The following PTPRM variants were observed in gnomAD, a reference collection of about 807,000 sequenced individuals.
The protein encoded by PTPRM is receptor-type tyrosine-protein phosphatase mu.
PTPRM carries 47 observed loss-of-function variants against 186.7 expected under a neutral mutation model. The observed-to-expected ratio is 0.25, with a 90% CI of 0.20 to 0.32. The LOEUF is 0.32. Among genes scored for constraint, PTPRM ranks in the 10% least tolerant of loss-of-function variants. The pLI is 1.00. For missense variants in PTPRM, 1,494 were observed against 1,865.0 expected, an observed-to-expected ratio of 0.80 and a Z score of 3.66; for synonymous variants, 668 against 674.9, an observed-to-expected ratio of 0.99 and a Z score of 0.16.
chr18:7,975,489 G>A (rs887005285), intron 7 of PTPRM, among the ~76,000 whole-genome samples: 3 of 152,198 alleles, frequency 2.0e-5, no homozygotes, highest in Admixed American at 2.0e-4. Context: ...AGAAGTGAAA[G>A]ATGCCAATAT....
Position 8,088,807 on chromosome 18 carries a change from G to A in PTPRM, c.1812G>A (p.Val604=). The A allele has an allele frequency of 3.1e-6, 5 of 1,613,124 alleles. No homozygotes were observed. Among genetic ancestry groups the A allele is most frequent in the Non-Finnish European group, 4.2e-6 (5 of 1,179,356 alleles). Reference sequence around the variant, plus strand: ...CTTTGAATCAAACTGACAATACCGTGACAGTCATGCTGAAACCTGCCCACA... The same window carrying A: ...CTTTGAATCAAACTGACAATACCGTAACAGTCATGCTGAAACCTGCCCACA... ...ETPLNQTDNT[V]TVMLKPAHSR... is the part of the protein sequence containing the mutation. The change falls in exon 11 of 33, where the codon GTG becomes GTA. Residue 604 remains valine, a synonymous_variant. Coordinates refer to ENST00000580170, the MANE Select transcript of PTPRM (RefSeq NM_001105244.2).
intron 7 of PTPRM, among the ~76,000 whole-genome samples, chr18:8,024,080 G>A (rs1420428172): frequency 6.6e-6 from 1 of 152,114 alleles, no homozygotes; most frequent in South Asian, 2.1e-4. Context: ...CACGGAAGGT[G>A]CTATACTTTC....
chr18:8,066,430 C>T (rs997236155), intron 7 of PTPRM, among the ~76,000 whole-genome samples: 2 of 152,146 alleles, frequency 1.3e-5, no homozygotes, highest in Non-Finnish European at 2.9e-5. Flanking sequence ...TGAAGTGGAC[C>T]ATGTCCCTGT....
chr18:8,399,050 G>A (rs1161332014), intron 32 of PTPRM, among the ~76,000 whole-genome samples: 2 of 152,174 alleles, frequency 1.3e-5, no homozygotes, highest in Non-Finnish European at 2.9e-5. Flanking sequence ...TAATTTGAAG[G>A]TCTAATTGGC....
intron 14 of PTPRM, among the ~76,000 whole-genome samples, chr18:8,195,582 C>T (rs2093767013): frequency 6.6e-6 from 1 of 152,178 alleles, no homozygotes; most frequent in Non-Finnish European, 1.5e-5. Flanking sequence ...GAAGTCATGT[C>T]TTTGCAGCAG....
At chr18:8,376,942 C>T (rs995206412) in intron 26 of PTPRM, 5 of 203,082 alleles carry the variant, frequency 2.5e-5, no homozygotes, top group South Asian at 9.2e-5. Context: ...AGAGCAAGAC[C>T]GCTCCTGAGA....
chr18:8,227,083 T>C (rs79292846), intron 14 of PTPRM, among the ~76,000 whole-genome samples: 5,014 of 152,348 alleles, frequency 0.033, 112 homozygotes, highest in Middle Eastern at 0.061. Flanking sequence ...ACAGCTTTAA[T>C]TTCATTTTGC....
intron 14 of PTPRM, among the ~76,000 whole-genome samples, chr18:8,234,406 G>A (rs140285168): frequency 3.0e-3 from 462 of 152,240 alleles, no homozygotes; most frequent in Middle Eastern, 6.8e-3. Flanking sequence ...ATATAGGAAA[G>A]TATTGACTTT....
chr18:8,240,078 G>A (rs12960023), intron 14 of PTPRM, among the ~76,000 whole-genome samples: 25,853 of 152,140 alleles, frequency 0.17, 2,589 homozygotes, highest in Non-Finnish European at 0.23. Context: ...TTTTCTGATA[G>A]TGTTCCAAGT....
At chr18:8,092,316 A>G (rs2090780229) in intron 11 of PTPRM, among the ~76,000 whole-genome samples, 1 of 152,348 alleles carries the variant, frequency 6.6e-6, no homozygotes, top group Admixed American at 6.5e-5. Context: ...TCCAGCCAGT[A>G]AACTAGCATG....
intron 1 of PTPRM, among the ~76,000 whole-genome samples, chr18:7,770,658 G>C (rs547694968): frequency 6.6e-6 from 1 of 152,176 alleles, no homozygotes; most frequent in Non-Finnish European, 1.5e-5. Context: ...GCTAACAGTG[G>C]AAGAATTGGG....
chr18:8,405,275 CG>C (rs1433803914), intron 32 of PTPRM: 1 of 152,190 alleles, frequency 6.6e-6, no homozygotes, highest in Non-Finnish European at 1.5e-5. Flanking sequence ...TACCTTTCCT[CG>C]TCCTGTTGCC....
At chr18:7,703,811 G>T (rs1236227252) in intron 1 of PTPRM, among the ~76,000 whole-genome samples, 1 of 152,138 alleles carries the variant, frequency 6.6e-6, no homozygotes, top group Non-Finnish European at 1.5e-5. Flanking sequence ...CTGTGGGTTT[G>T]TCATAAATAA....
chr18:7,731,056 A>G (rs2040648362), intron 1 of PTPRM, among the ~76,000 whole-genome samples: 1 of 152,116 alleles, frequency 6.6e-6, no homozygotes, highest in African/African-American at 2.4e-5. Context: ...TTAACCTGCC[A>G]TCCATCATAT....
chr18:8,143,052 G>T (rs2092801046), intron 13 of PTPRM, among the ~76,000 whole-genome samples: 1 of 152,164 alleles, frequency 6.6e-6, no homozygotes, highest in Admixed American at 6.5e-5. Context: ...CTTCCACTTT[G>T]TGAATAAATT....
At chr18:7,957,002 G>C (rs867999510) in intron 7 of PTPRM, among the ~76,000 whole-genome samples, 22 of 152,128 alleles carry the variant, frequency 1.4e-4, no homozygotes, top group African/African-American at 5.1e-4. Flanking sequence ...AGTAAGTTTA[G>C]TGTTATTTCA....
intron 1 of PTPRM, among the ~76,000 whole-genome samples, chr18:7,767,203 CA>C (rs1228459828): frequency 6.6e-6 from 1 of 152,110 alleles, no homozygotes; most frequent in East Asian, 1.9e-4. Flanking sequence ...GCTCTCACCC[CA>C]AAACCTTAAG....
rs113050682 is a variant in PTPRM at position 7,900,202 on chromosome 18, T to C, written c.469-6303T>C. On this transcript the variant is annotated intron_variant, in intron 3 of 32. Transcript: ENST00000580170. ...CAGCTACTCAACTCTGCTGCTGTTG[T>C]ATGAAAGCAGCCATAGCCAAGATGT... 2.2e-3 allele frequency among the ~76,000 whole-genome samples: 342 copies of C among 152,376 alleles called. 2 individuals are homozygous for C. The highest frequency in any genetic ancestry group is 7.9e-3 in the African/African-American group (330 of 41,602).
intron 11 of PTPRM, among the ~76,000 whole-genome samples, chr18:8,096,761 A>G (rs2091036138): frequency 6.6e-6 from 1 of 152,212 alleles, no homozygotes; most frequent in African/African-American, 2.4e-5. Context: ...GTTCCAAGCT[A>G]GGGCTGATAG....
Sources: gnomAD v4.1 joint callset for allele counts (sites outside exome capture counted in the v4.1 genomes callset) on GRCh38, gnomAD v4.1.1 for gene constraint, MANE v1.5 for transcripts, NCBI Gene and HGNC (gene_info 2026-07-23, HGNC 2026-07-21) for gene names.